The following DCC variants were observed in gnomAD, a reference collection of about 807,000 sequenced individuals.
DCC encodes netrin receptor DCC.
DCC carries 58 observed loss-of-function variants against 172.5 expected under a neutral mutation model. The observed-to-expected ratio is 0.34, with a 90% CI of 0.27 to 0.42. The LOEUF is 0.42. DCC is among the 10% of genes least tolerant of loss of function. The pLI is 1.00. For synonymous variants in DCC, 709 were observed against 644.5 expected, an observed-to-expected ratio of 1.10 and a Z score of -1.52; for missense variants, 1,740 against 1,791.0, an observed-to-expected ratio of 0.97 and a Z score of 0.51.
chr18:53,429,048 AAT>A (rs1568127049), intron 21 of DCC, among the ~76,000 whole-genome samples: 1 of 19,504 alleles, frequency 5.1e-5, no homozygotes, highest in African/African-American at 9.5e-5. Flanking sequence ...TTTTATATAT[AAT>A]ATATTATATA....
At chr18:53,483,650 A>G (rs894887752) in intron 25 of DCC, among the ~76,000 whole-genome samples, 4 of 151,810 alleles carry the variant, frequency 2.6e-5, no homozygotes, top group African/African-American at 9.7e-5. Flanking sequence ...TTTTGATTAT[A>G]TATCTATCTT....
chr18:52,587,226 C>A (rs994955697), intron 1 of DCC, among the ~76,000 whole-genome samples: 1 of 152,210 alleles, frequency 6.6e-6, no homozygotes, highest in Non-Finnish European at 1.5e-5. Flanking sequence ...ACTGGGCACT[C>A]AGCAGTGGCC....
At chr18:52,575,227 A>C (rs778084481) in intron 1 of DCC, among the ~76,000 whole-genome samples, 1 of 152,174 alleles carries the variant, frequency 6.6e-6, no homozygotes, top group Non-Finnish European at 1.5e-5. Context: ...CTCTGTATCC[A>C]TTCTGTAGAA....
chr18:52,781,870 G>GA (rs1555660977), intron 2 of DCC, among the ~76,000 whole-genome samples: 1 of 151,672 alleles, frequency 6.6e-6, no homozygotes, highest in Non-Finnish European at 1.5e-5. Flanking sequence ...ATATTACTTT[G>GA]TTTTTTTTAT....
intron 7 of DCC, among the ~76,000 whole-genome samples, chr18:53,079,416 C>T (rs995151061): frequency 4.6e-5 from 7 of 152,048 alleles, no homozygotes; most frequent in African/African-American, 1.7e-4. Context: ...GGAAATTCAA[C>T]TGATAAAAAT....
chr18:52,962,633 C>T (rs866656365), intron 5 of DCC, among the ~76,000 whole-genome samples: 1 of 151,850 alleles, frequency 6.6e-6, no homozygotes, highest in Non-Finnish European at 1.5e-5. Flanking sequence ...ATAAATCATG[C>T]TGCTATAAAG....
chr18:53,326,945 C>G (rs1007262035), intron 14 of DCC, among the ~76,000 whole-genome samples: 3 of 152,188 alleles, frequency 2.0e-5, no homozygotes, highest in Admixed American at 2.0e-4. Flanking sequence ...AACTTACCCC[C>G]CTGCTTCAGA....
chr18:52,501,660 TGAAA>T (rs1259731454), intron 1 of DCC, among the ~76,000 whole-genome samples: 1 of 152,148 alleles, frequency 6.6e-6, no homozygotes, highest in Non-Finnish European at 1.5e-5. Context: ...TACCTGAGAA[TGAAA>T]GAGTCAGAAT....
chr18:52,370,546 C>T (rs1210148317), intron 1 of DCC, among the ~76,000 whole-genome samples: 1 of 152,004 alleles, frequency 6.6e-6, no homozygotes, highest in Non-Finnish European at 1.5e-5. Flanking sequence ...GGGAACAATA[C>T]ACACTCAGGC....
At chr18:52,975,466 A>G (rs960884624) in intron 5 of DCC, among the ~76,000 whole-genome samples, 1 of 152,110 alleles carries the variant, frequency 6.6e-6, no homozygotes, top group Non-Finnish European at 1.5e-5. Flanking sequence ...ACAGCTATTA[A>G]GACTGATACC....
chr18:52,435,879 C>A (rs942350947), intron 1 of DCC, among the ~76,000 whole-genome samples: 1 of 152,208 alleles, frequency 6.6e-6, no homozygotes, highest in Non-Finnish European at 1.5e-5. Context: ...GGGGAGATCT[C>A]AGGAAGTCCC....
At chr18:52,957,732 G>A (rs972157880) in intron 5 of DCC, among the ~76,000 whole-genome samples, 13 of 152,050 alleles carry the variant, frequency 8.5e-5, no homozygotes, top group South Asian at 2.1e-4. Flanking sequence ...AAGAACAAAG[G>A]CCAGGAGGTA....
At chr18:52,363,039 C>T (rs1233883381) in intron 1 of DCC, among the ~76,000 whole-genome samples, 5 of 152,146 alleles carry the variant, frequency 3.3e-5, no homozygotes, top group African/African-American at 9.7e-5. Context: ...GCTAGGATTA[C>T]AGGCATGTGC....
intron 12 of DCC, among the ~76,000 whole-genome samples, chr18:53,268,499 C>G (rs1361774043): frequency 6.6e-6 from 1 of 152,092 alleles, no homozygotes; most frequent in Non-Finnish European, 1.5e-5. Context: ...GAAATGCCTT[C>G]TTACATATTC....
At chr18:52,884,470 G>T (rs2039540925) in intron 2 of DCC, among the ~76,000 whole-genome samples, 2 of 151,406 alleles carry the variant, frequency 1.3e-5, no homozygotes, top group Middle Eastern at 3.4e-3. Flanking sequence ...AATCAGTTTT[G>T]CTATTAAGGG....
intron 1 of DCC, among the ~76,000 whole-genome samples, chr18:52,673,008 A>G (rs1568033969): frequency 6.6e-6 from 1 of 152,162 alleles, no homozygotes; most frequent in Non-Finnish European, 1.5e-5. Context: ...GGCTGCAGTG[A>G]GCCATGATTG....
chr18:52,683,631 T>G (rs999298830), intron 1 of DCC, among the ~76,000 whole-genome samples: 2 of 152,094 alleles, frequency 1.3e-5, no homozygotes, highest in Non-Finnish European at 2.9e-5. Context: ...GGTCTCAGGT[T>G]CTGAATCTCT....
At chr18:52,819,046 G>C (rs2038355830) in intron 2 of DCC, among the ~76,000 whole-genome samples, 1 of 152,160 alleles carries the variant, frequency 6.6e-6, no homozygotes, top group African/African-American at 2.4e-5. Context: ...GGTTACAAAA[G>C]AGATAGGAGA....
chr18:52,508,094 T>C (rs62081286), intron 1 of DCC, among the ~76,000 whole-genome samples: 9,559 of 97,952 alleles, frequency 0.098, 354 homozygotes, highest in Middle Eastern at 0.16. Flanking sequence ...AGCAAGACTC[T>C]GTCTCAAAAA....
Sources: allele counts gnomAD v4.1 joint callset (sites outside exome capture counted in the v4.1 genomes callset), GRCh38; gene constraint gnomAD v4.1.1; transcripts MANE v1.5; gene names NCBI Gene and HGNC (gene_info 2026-07-23, HGNC 2026-07-21).